LRRK2: variants seen among roughly 807,000 people sequenced by gnomAD.
LRRK2 encodes the protein leucine rich repeat kinase 2.
LRRK2 carries 203 observed loss-of-function variants against 302.6 expected under a neutral mutation model. The ratio of observed to expected loss-of-function variants is 0.67; its 90% CI spans 0.60 to 0.75. LRRK2 has a LOEUF of 0.75. Ranked by LOEUF, LRRK2 falls within the 30% of genes least tolerant of loss-of-function variation. The probability of loss-of-function intolerance (pLI) is 0.00; values close to 1 mark genes in which losing one functional copy is unlikely to be tolerated. For missense variants in LRRK2, 2,830 were observed against 2,951.0 expected (o/e 0.96, Z 0.95); for synonymous variants, 1,066 against 1,031.9 (o/e 1.03, Z -0.63).
chr12:40,359,696 A>G (rs1232628733), intron 47 of LRRK2, among the ~76,000 whole-genome samples: 1 of 152,120 alleles, frequency 6.6e-6, no homozygotes, highest in East Asian at 1.9e-4. Flanking sequence ...TCTTAGTAGT[A>G]TTTATCAATC....
Position 40,340,370 on chromosome 12 carries a change from G to A in LRRK2, c.6025G>A (p.Ala2009Thr). The change falls in exon 41 of 51, where the codon GCT (alanine) becomes ACT (threonine). Residue 2009 changes from alanine (A) to threonine (T), a missense_variant. Transcript: ENST00000298910. Reference protein sequence around the residue: ...NVLLFTLYPNAAIIAKIADYG... With the variant: ...NVLLFTLYPNTAIIAKIADYG... ...GCTGCTTTTCACACTGTATCCCAAT[G>A]CTGCCATCATTGCAAAGATTGCTGA... 1 of 1,613,860 alleles carries A rather than the reference G, an allele frequency of 6.2e-7. No individual in the cohort carries two copies. The highest frequency in any genetic ancestry group is 8.5e-7 in the Non-Finnish European group (1 of 1,179,848).
intron 20 of LRRK2, among the ~76,000 whole-genome samples, chr12:40,293,010 TACA>T (rs1262033642): frequency 2.0e-5 from 3 of 152,160 alleles, no homozygotes; most frequent in African/African-American, 7.2e-5. Context: ...TTTGTGTGAT[TACA>T]ACATTTAAAG....
intron 39 of LRRK2, among the ~76,000 whole-genome samples, chr12:40,333,686 G>GCA (rs1945783175): frequency 1.3e-5 from 2 of 149,098 alleles, no homozygotes; most frequent in African/African-American, 4.9e-5. Context: ...GACTTTTTTT[G>GCA]AATTGCAGAG....
chr12:40,325,997 A>G (rs918213101), intron 38 of LRRK2, among the ~76,000 whole-genome samples: 1 of 152,108 alleles, frequency 6.6e-6, no homozygotes, highest in African/African-American at 2.4e-5. Flanking sequence ...CAGTGGTGTG[A>G]TTTGAGGGGT....
intron 6 of LRRK2, among the ~76,000 whole-genome samples, chr12:40,242,550 C>G (rs986334307): frequency 1.3e-5 from 2 of 151,682 alleles, no homozygotes; most frequent in Admixed American, 1.3e-4. Context: ...TATTTTGGAG[C>G]CTTCAGGAAG....
In LRRK2 at chr12:40,367,825, T is replaced by TTTTAAAATA; in HGVS notation, c.*67_*68insTATTTAAAA. The TTTTAAAATA allele has an allele frequency of 6.5e-7, 1 of 1,530,134 alleles. No individual in the cohort carries two copies. Among genetic ancestry groups the TTTTAAAATA allele is most frequent in the Non-Finnish European group, 8.9e-7 (1 of 1,127,538 alleles). 94.8% of individuals were successfully genotyped at this position (1,530,134 alleles called of 1,614,324 possible). A position where few individuals can be genotyped will look rare whatever the true frequency, so the allele number is the denominator to read the frequency against. The stretch of plus-strand genomic sequence containing the variant: ...TATTCTCTCCTCTTGTAAATATTTA[T>TTTTAAAATA]TTTAAAAATGTTCACATGGAAAGGG... On this transcript the variant is annotated 3_prime_UTR_variant, in exon 51 of 51. Coordinates refer to ENST00000298910, the MANE Select transcript of LRRK2 (RefSeq NM_198578.4).
intron 8 of LRRK2, 47 bp downstream of exon 8, chr12:40,249,992 T>C (rs199861363): frequency 5.0e-5 from 81 of 1,606,556 alleles, no homozygotes; most frequent in Non-Finnish European, 6.7e-5. Flanking sequence ...GCATTTGACA[T>C]CAAATATGAA....
chr12:40,272,118 C>T (rs73108339), intron 14 of LRRK2, among the ~76,000 whole-genome samples: 6,675 of 152,186 alleles, frequency 0.044, 192 homozygotes, highest in Middle Eastern at 0.068. Flanking sequence ...AAATTATTAA[C>T]GATTTTACAA....
At chr12:40,250,034 G>A in intron 8 of LRRK2, 89 bp downstream of exon 8, 1 of 1,512,182 alleles carries the variant, frequency 6.6e-7, no homozygotes, top group Non-Finnish European at 9.1e-7. Flanking sequence ...TGTACAGATG[G>A]AAGCATTCAA....
At chr12:40,258,985 T>C (rs769832731) in intron 12 of LRRK2, among the ~76,000 whole-genome samples, 2 of 152,138 alleles carry the variant, frequency 1.3e-5, no homozygotes, top group African/African-American at 2.4e-5. Flanking sequence ...ACCAAGACTG[T>C]AAAACAAATT....
chr12:40,273,976 A>G (rs1446163787), intron 14 of LRRK2, among the ~76,000 whole-genome samples: 2 of 152,160 alleles, frequency 1.3e-5, no homozygotes, highest in East Asian at 3.8e-4. Context: ...CTGGGCTTTT[A>G]AGGTGGACAC....
chr12:40,332,314 G>T (rs1167115622), intron 39 of LRRK2, among the ~76,000 whole-genome samples: 1 of 152,180 alleles, frequency 6.6e-6, no homozygotes, highest in Admixed American at 6.5e-5. Flanking sequence ...AATATACACT[G>T]TTAGTTAACA....
intron 7 of LRRK2, 150 bp downstream of exon 7, chr12:40,243,831 A>C (rs1941852635): frequency 1.2e-6 from 1 of 804,678 alleles, no homozygotes; most frequent in Non-Finnish European, 1.9e-6. Flanking sequence ...AATTAAAACA[A>C]AAAGAAAATA....
At chr12:40,281,803 A>C (rs935810106) in intron 18 of LRRK2, among the ~76,000 whole-genome samples, 1 of 152,236 alleles carries the variant, frequency 6.6e-6, no homozygotes, top group Non-Finnish European at 1.5e-5. Context: ...AAACATGTGC[A>C]GCACACAGTG....
chr12:40,303,994 G>A lies in LRRK2; in HGVS notation c.3637G>A (p.Gly1213Ser), dbSNP rs561782749. The A allele has an allele frequency of 1.2e-6, 2 of 1,613,666 alleles. No individual in the cohort carries two copies. Among genetic ancestry groups the A allele is most frequent in the African/African-American group, 2.7e-5 (2 of 75,014 alleles). ...MSSNDIQYLP[G>S]PAHWKSLNLR... Reference sequence around the variant, plus strand: ...CAGCAATGATATTCAGTACCTACCAGGTCCCGCACACTGGAAATCTTTGAA... The same window carrying A: ...CAGCAATGATATTCAGTACCTACCAAGTCCCGCACACTGGAAATCTTTGAA... The change falls in exon 27 of 51, where the codon GGT (glycine) becomes AGT (serine). Residue 1213 changes from glycine to serine, a missense_variant. This residue lies in a region of LRRK2 where 2,121 missense variants were observed against 2,148.0 expected (regional missense o/e 0.99). Coordinates refer to ENST00000298910, the MANE Select transcript of LRRK2 (RefSeq NM_198578.4).
Position 40,320,024 on chromosome 12 carries a change from C to A in LRRK2, c.4864C>A (p.Pro1622Thr), listed in dbSNP as rs1460219809. 6.2e-7 allele frequency: 1 copy of A among 1,611,170 alleles called. No individual in the cohort carries two copies. Among genetic ancestry groups the A allele is most frequent in the Non-Finnish European group, 8.5e-7 (1 of 1,178,412 alleles). ...TVKVEGCPKH[P>T]KGIISRRDVE... ...GAAAGTGGAAGGTTGTCCAAAACAC[C>A]CTAAGGGCATTATTTCGCGTAGAGA... is the stretch of plus-strand genomic sequence containing the variant. Residue 1622 changes from proline (P) to threonine (T), a missense_variant, in exon 34 of 51, where the codon CCT becomes ACT. Around this residue, in one of 3 missense-constraint regions of LRRK2, gnomAD observed 2,121 missense variants for 2,148.0 expected, o/e 0.99. Transcript: ENST00000298910.
At chr12:40,236,806 T>A (rs1592141561) in intron 4 of LRRK2, among the ~76,000 whole-genome samples, 1 of 152,158 alleles carries the variant, frequency 6.6e-6, no homozygotes, top group Admixed American at 6.5e-5. Context: ...TTGTATGGCA[T>A]GCACTAAGAG....
At position 40,309,204 on chromosome 12, in the gene LRRK2, G is replaced by A; in HGVS notation, c.4288G>A (p.Ala1430Thr). 6.2e-7 allele frequency: 1 copy of A among 1,613,838 alleles called. No individual in the cohort carries two copies. The highest frequency in any genetic ancestry group is 8.5e-7 in the Non-Finnish European group (1 of 1,179,912). The part of the protein sequence containing the change: ...DLSKGQAEVD[A>T]MKPWLFNIKA... ...CAGCAAGGGACAGGCTGAAGTTGAT[G>A]CCATGAAGCCTTGGCTCTTCAATAT... The change falls in exon 30 of 51, where the codon GCC (alanine) becomes ACC (threonine). Residue 1430 changes from alanine (A) to threonine (T), a missense_variant. Transcript: ENST00000298910.
chr12:40,299,019 T>A, intron 24 of LRRK2, 90 bp from the exon 25 acceptor site: 2 of 1,331,168 alleles, frequency 1.5e-6, no homozygotes, highest in South Asian at 1.2e-5. Context: ...TCTTTGATGC[T>A]GTTCTTTGAA....
Sources: gnomAD v4.1 joint callset for allele counts (sites outside exome capture counted in the v4.1 genomes callset) on GRCh38, gnomAD v4.1.1 for gene constraint, gnomAD v4.1.1 regional missense constraint, MANE v1.5 for transcripts, NCBI Gene and HGNC (gene_info 2026-07-23, HGNC 2026-07-21) for gene names.